The following RBPJ variants were observed in gnomAD, a reference collection of about 807,000 sequenced individuals.
RBPJ encodes recombination signal binding protein for immunoglobulin kappa J region, also known as recombining binding protein suppressor of hairless.
RBPJ carries 9 observed loss-of-function variants against 67.8 expected under a neutral mutation model. The observed-to-expected ratio is 0.13, with a 90% CI of 0.08 to 0.23. The LOEUF (loss-of-function observed/expected upper bound fraction) is 0.23. Among genes scored for constraint, RBPJ ranks in the 10% least tolerant of loss-of-function variants. The probability of loss-of-function intolerance (pLI) is 1.00; values close to 1 mark genes in which losing one functional copy is unlikely to be tolerated. For synonymous variants in RBPJ, 198 were observed against 203.3 expected, an observed-to-expected ratio of 0.97 and a Z score of 0.22; for missense variants, 305 against 595.6, an observed-to-expected ratio of 0.51 and a Z score of 5.08.
At chr4:26,391,663 AAAAC>A (rs572066748) in intron 2 of RBPJ, among the ~76,000 whole-genome samples, 35 of 152,354 alleles carry the variant, frequency 2.3e-4, no homozygotes, top group Admixed American at 9.8e-4. Flanking sequence ...ATCAAAATAA[AAAAC>A]AAAGATGAAA....
intron 1 of RBPJ, among the ~76,000 whole-genome samples, chr4:26,277,150 G>A (rs1322751073): frequency 6.6e-6 from 1 of 151,550 alleles, no homozygotes; most frequent in African/African-American, 2.4e-5. Flanking sequence ...AGCCAGGCAT[G>A]CTGGTATGAA....
rs771140381 is a variant in RBPJ, at chr4:26,424,764, T to C, written c.747+21T>C. On this transcript the variant is annotated intron_variant, in intron 7 of 10. Coordinates refer to ENST00000355476, the MANE Select transcript of RBPJ (RefSeq NM_015874.6). This position sits in a 1 kb window ranked among gnomAD's most constrained non-coding sequence, Gnocchi z 5.3. ...GATTGGTATGGCTCTACTTTTGCTTTAGTGATAATGTGAAGTAAAAATTAA... is the reference window on the plus strand; with the variant it reads ...GATTGGTATGGCTCTACTTTTGCTTCAGTGATAATGTGAAGTAAAAATTAA... The C allele has an allele frequency of 2.9e-6, 4 of 1,388,146 alleles. No homozygotes were observed. In the South Asian group the frequency reaches 4.9e-5, roughly 17 times the overall value. The allele number at this position is 1,388,146 out of a possible 1,614,324, so 86.0% of individuals were successfully genotyped here. A position where few individuals can be genotyped will look rare whatever the true frequency, so the allele number is the denominator to read the frequency against.
intron 1 of RBPJ, among the ~76,000 whole-genome samples, chr4:26,255,315 A>G (rs1720275808): frequency 1.7e-5 from 2 of 120,358 alleles, no homozygotes; most frequent in African/African-American, 3.9e-5. Flanking sequence ...GAGGCAGGAG[A>G]ATGGCGTGAA....
chr4:26,279,785 CTTTTTTT>C (rs1026614295), intron 1 of RBPJ, among the ~76,000 whole-genome samples: 5 of 116,694 alleles, frequency 4.3e-5, no homozygotes, highest in African/African-American at 9.5e-5. Flanking sequence ...TTGAAATTGT[CTTTTTTT>C]TTTTTTTTTT....
chr4:26,143,001 C>G, the RBPJ span, among the ~76,000 whole-genome samples: 1 of 152,188 alleles, frequency 6.6e-6, no homozygotes, highest in South Asian at 2.1e-4. Flanking sequence ...AGGCTGGTCT[C>G]AAACTCTTAA....
intron 1 of RBPJ, among the ~76,000 whole-genome samples, chr4:26,198,042 G>A (rs541351130): frequency 3.3e-5 from 5 of 152,174 alleles, no homozygotes; most frequent in South Asian, 2.1e-4. Flanking sequence ...TGGATCACCT[G>A]AGGTCAGGAG....
the RBPJ span, among the ~76,000 whole-genome samples, chr4:26,146,534 T>C: frequency 6.6e-6 from 1 of 152,194 alleles, no homozygotes; most frequent in African/African-American, 2.4e-5. Context: ...AAAGAATACA[T>C]TGATCAGTAG....
At chr4:26,248,048 C>T (rs1245710082) in intron 1 of RBPJ, among the ~76,000 whole-genome samples, 2 of 152,112 alleles carry the variant, frequency 1.3e-5, no homozygotes, top group Non-Finnish European at 2.9e-5. Context: ...AATCCCAGCA[C>T]TTTGGGAAGC....
chr4:26,331,516 C>T (rs924294252), intron 1 of RBPJ, among the ~76,000 whole-genome samples: 1 of 152,198 alleles, frequency 6.6e-6, no homozygotes, highest in African/African-American at 2.4e-5. Context: ...AATCCCTCAG[C>T]ACCCAAGCCT....
At chr4:26,364,720 G>T (rs1054293875) in intron 1 of RBPJ, among the ~76,000 whole-genome samples, 1 of 147,434 alleles carries the variant, frequency 6.8e-6, no homozygotes, top group Non-Finnish European at 1.5e-5. Context: ...TCTACCTCCC[G>T]GTTCAAGCAA....
intron 1 of RBPJ, among the ~76,000 whole-genome samples, chr4:26,188,188 G>A (rs1214901339): frequency 6.6e-6 from 1 of 151,846 alleles, no homozygotes; most frequent in African/African-American, 2.4e-5. Context: ...CAGCCTGGAC[G>A]ACAGAGCAAG....
chr4:26,173,532 A>G (rs904766535), intron 1 of RBPJ, among the ~76,000 whole-genome samples: 1 of 152,160 alleles, frequency 6.6e-6, no homozygotes, highest in African/African-American at 2.4e-5. Flanking sequence ...GAAAACCAAC[A>G]CTGACCTATG....
At chr4:26,165,745 T>C (rs1241153086) in intron 1 of RBPJ, among the ~76,000 whole-genome samples, 1 of 151,950 alleles carries the variant, frequency 6.6e-6, no homozygotes. Context: ...CTTTAAGTTT[T>C]AGGGTACATG....
upstream of RBPJ, among the ~76,000 whole-genome samples, chr4:26,163,043 C>T (rs1263321785): frequency 3.9e-5 from 6 of 152,154 alleles, no homozygotes; most frequent in Non-Finnish European, 8.8e-5. Flanking sequence ...CGTACCTCAA[C>T]TTTCAGAGCT....
At chr4:26,282,203 A>G (rs1284444466) in intron 1 of RBPJ, among the ~76,000 whole-genome samples, 2 of 130,694 alleles carry the variant, frequency 1.5e-5, no homozygotes, top group Non-Finnish European at 1.6e-5. Context: ...GAATTTTGCT[A>G]TTGATAGTAG....
chr4:26,419,142 A>T (rs908297698), intron 4 of RBPJ, among the ~76,000 whole-genome samples: 1 of 151,996 alleles, frequency 6.6e-6, no homozygotes, highest in Non-Finnish European at 1.5e-5. Flanking sequence ...CCATGCCTGG[A>T]TAATTTTTGT....
At chr4:26,105,717 A>C in the RBPJ span, among the ~76,000 whole-genome samples, 1 of 152,248 alleles carries the variant, frequency 6.6e-6, no homozygotes, top group Non-Finnish European at 1.5e-5. Context: ...ACATGAGAAA[A>C]GATAGTGTGT....
At chr4:26,169,327 A>G (rs1346106775) in intron 1 of RBPJ, among the ~76,000 whole-genome samples, 1 of 152,198 alleles carries the variant, frequency 6.6e-6, no homozygotes, top group African/African-American at 2.4e-5. Context: ...GGAGTTTGCT[A>G]GAGGTCCACT....
At chr4:26,216,324 C>T (rs1357385744) in intron 1 of RBPJ, among the ~76,000 whole-genome samples, 1 of 152,104 alleles carries the variant, frequency 6.6e-6, no homozygotes, top group Admixed American at 6.5e-5. Flanking sequence ...CACCATTCCA[C>T]CCACTACAAG....
Sources: allele counts gnomAD v4.1 joint callset (sites outside exome capture counted in the v4.1 genomes callset), GRCh38; gene constraint gnomAD v4.1.1; non-coding constraint Gnocchi (gnomAD v3.1); transcripts MANE v1.5; gene names NCBI Gene and HGNC (gene_info 2026-07-23, HGNC 2026-07-21).